The following FHOD3 variants were observed in gnomAD, a reference collection of about 807,000 sequenced individuals.
FHOD3 encodes the protein formin homology 2 domain containing 3.
A neutral mutation model predicts 173.0 loss-of-function variants in FHOD3; 90 were observed. The ratio of observed to expected loss-of-function variants is 0.52; its 90% CI spans 0.44 to 0.62. The LOEUF (loss-of-function observed/expected upper bound fraction) is 0.62, where lower values mean the gene tolerates loss of function less well. Ranked by LOEUF, FHOD3 falls within the 20% of genes least tolerant of loss-of-function variation. FHOD3 has a pLI of 0.00. For missense variants in FHOD3, 1,945 were observed against 2,034.7 expected (o/e 0.96, Z 0.85); for synonymous variants, 828 against 823.0 (o/e 1.01, Z -0.10).
chr18:36,512,666 C>A, intron 5 of FHOD3, 123 bp downstream of exon 5: 6 of 668,862 alleles, frequency 9.0e-6, no homozygotes, highest in Admixed American at 5.2e-5. Flanking sequence ...GTGGTAAAGA[C>A]ACCCTTTGGC....
intron 21 of FHOD3, among the ~76,000 whole-genome samples, chr18:36,741,339 G>A (rs962470591): frequency 6.6e-6 from 1 of 152,146 alleles, no homozygotes; most frequent in Non-Finnish European, 1.5e-5. Context: ...CAGAGGACAT[G>A]GGCATCCTCT....
At position 36,514,014 on chromosome 18, in the gene FHOD3, C is replaced by CTTTTTTTTTTTTTTTTTTTTTTTTT. The variant is rs58493993; in HGVS notation, c.511+1483_511+1484insTTTTTTTTTTTTTTTTTTTTTTTTT. On this transcript the variant is annotated intron_variant, in intron 5 of 28. Coordinates refer to ENST00000590592, the MANE Select transcript of FHOD3 (RefSeq NM_001281740.3). ...ATTGCTGAATTTTGCTATTTCTATT[C>CTTTTTTTTTTTTTTTTTTTTTTTTT]TTTTTTTTTTTTGAGATGGAGTCTT... Among the ~76,000 whole-genome samples, 6 of 104,660 alleles carry CTTTTTTTTTTTTTTTTTTTTTTTTT rather than the reference C, an allele frequency of 5.7e-5. 1 individual carries two copies. Among genetic ancestry groups the CTTTTTTTTTTTTTTTTTTTTTTTTT allele is most frequent in the Admixed American group, 1.1e-4 (1 of 9,362 alleles). 68.7% of individuals were successfully genotyped at this position (104,660 alleles called of 152,430 possible).
chr18:36,297,996 A>T lies in FHOD3; in HGVS notation c.161A>T (p.His54Leu). 6.5e-7 allele frequency: 1 copy of T among 1,543,976 alleles called. No homozygotes were observed. The highest frequency in any genetic ancestry group is 8.7e-7 in the Non-Finnish European group (1 of 1,147,056). Reference sequence around the variant, plus strand: ...GTCCATAGGCTGCTGCAGGCGCCGCACAAGGTACGACCCGGCGGGGTGGGC... The same window carrying T: ...GTCCATAGGCTGCTGCAGGCGCCGCTCAAGGTACGACCCGGCGGGGTGGGC... ...AGVHRLLQAP[H>L]KLDDCTLQLS... The change falls in exon 1 of 29, where the codon CAC (histidine) becomes CTC (leucine). Residue 54 changes from histidine (H) to leucine (L), a missense_variant. By Grantham distance (99) the His-to-Leu change is moderately conservative. This residue lies in a region of FHOD3 where 245 missense variants were observed against 267.7 expected (regional missense o/e 0.92). Coordinates refer to ENST00000590592, the MANE Select transcript of FHOD3 (RefSeq NM_001281740.3).
rs1310509642 is a variant in FHOD3 at position 36,744,569 on chromosome 18, A to G, written c.4041+376A>G. Among the ~76,000 whole-genome samples, 6 of 152,342 alleles carry G rather than the reference A, an allele frequency of 3.9e-5. No homozygotes were observed. In the East Asian group the frequency reaches 1.2e-3, roughly 29 times the overall value. On this transcript the variant is annotated intron_variant, in intron 23 of 28. Coordinates refer to ENST00000590592, the MANE Select transcript of FHOD3 (RefSeq NM_001281740.3). The stretch of plus-strand genomic sequence containing the variant: ...AAGATGCAATTTGGCTCTTCCTGAG[A>G]TGTCCATAGGACCTTGCAGTGAGGT...
At chr18:36,540,865 T>C (rs2057182364) in intron 5 of FHOD3, among the ~76,000 whole-genome samples, 1 of 152,198 alleles carries the variant, frequency 6.6e-6, no homozygotes, top group Non-Finnish European at 1.5e-5. Context: ...CTAATCCTCT[T>C]CTCCATATTG....
chr18:36,661,970 C>CT (rs1437816099), intron 14 of FHOD3, among the ~76,000 whole-genome samples: 1 of 152,192 alleles, frequency 6.6e-6, no homozygotes, highest in Non-Finnish European at 1.5e-5. Context: ...TGAAAGCAGA[C>CT]TTTTAAAACA....
intron 13 of FHOD3, 60 bp from the exon 14 acceptor site, chr18:36,658,015 A>G: frequency 1.6e-6 from 2 of 1,244,842 alleles, no homozygotes; most frequent in East Asian, 5.0e-5. Flanking sequence ...AGTCTTATTT[A>G]CTGACTTGTA....
chr18:36,297,802 C>G lies in FHOD3; in HGVS notation c.-34C>G. 2.7e-6 allele frequency: 4 copies of G among 1,490,258 alleles called. No homozygotes were observed. The highest frequency in any genetic ancestry group is 3.6e-6 in the Non-Finnish European group (4 of 1,117,876). 92.3% of individuals were successfully genotyped at this position (1,490,258 alleles called of 1,614,324 possible). Reference sequence around the variant, plus strand: ...CGTCCCGGCCCGCGGCCCCGCTAACCCCGGGGCCCGCGCCCCCGCGGCAGG... The same window carrying G: ...CGTCCCGGCCCGCGGCCCCGCTAACGCCGGGGCCCGCGCCCCCGCGGCAGG... On this transcript the variant is annotated 5_prime_UTR_variant, in exon 1 of 29. Transcript: ENST00000590592.
chr18:36,539,063 C>T (rs2057103854), intron 5 of FHOD3, among the ~76,000 whole-genome samples: 1 of 152,218 alleles, frequency 6.6e-6, no homozygotes, highest in Admixed American at 6.5e-5. Flanking sequence ...AGTAAAAAAT[C>T]AGTACGCATC....
At chr18:36,553,076 T>A (rs1438881984) in intron 5 of FHOD3, among the ~76,000 whole-genome samples, 27 of 152,218 alleles carry the variant, frequency 1.8e-4, no homozygotes, top group Admixed American at 7.2e-4. Flanking sequence ...ATTGAGATAA[T>A]CATGTGGTTT....
intron 10 of FHOD3, among the ~76,000 whole-genome samples, chr18:36,631,054 C>T (rs1013602881): frequency 9.9e-5 from 15 of 152,148 alleles, no homozygotes; most frequent in African/African-American, 3.6e-4. Context: ...GCAAAAGAGA[C>T]CATGCTTAGG....
rs1242854607 is a variant in FHOD3, at chr18:36,392,716, G to T, written c.337+19972G>T. Among the ~76,000 whole-genome samples the T allele has an allele frequency of 3.3e-5, 5 of 152,332 alleles. No individual in the cohort carries two copies. In the East Asian group the frequency reaches 5.8e-4, roughly 18 times the overall value. On this transcript the variant is annotated intron_variant, in intron 3 of 28. Transcript: ENST00000590592. ...GTCTGATCTTGTCTGTGTTTCATGC[G>T]CAGGCAGCTAATTTGTACCTCATAG...
rs558404612 is a variant in FHOD3 at position 36,428,278 on chromosome 18, G to A, written c.337+55534G>A. The stretch of plus-strand genomic sequence containing the variant: ...CAGGAATCATATTTATACTCTCCCC[G>A]AGTCCTCTAGCATTTCTAAAGTGGT... On this transcript the variant is annotated intron_variant, in intron 3 of 28. Transcript: ENST00000590592. 3.0e-4 allele frequency among the ~76,000 whole-genome samples: 45 copies of A among 152,220 alleles called. 1 individual carries two copies. Among genetic ancestry groups the A allele is most frequent in the Admixed American group, 2.5e-3 (38 of 15,286 alleles).
intron 10 of FHOD3, among the ~76,000 whole-genome samples, chr18:36,626,105 G>A (rs538969354): frequency 6.6e-6 from 1 of 152,278 alleles, no homozygotes; most frequent in South Asian, 2.1e-4. Flanking sequence ...AACCACTGTA[G>A]GAATGTGGGG....
At chr18:36,642,862 T>TAG (rs1282015199) in intron 10 of FHOD3, among the ~76,000 whole-genome samples, 1 of 152,092 alleles carries the variant, frequency 6.6e-6, no homozygotes, top group African/African-American at 2.4e-5. Flanking sequence ...ATCACTGTCT[T>TAG]ACGGGGTTTT....
chr18:36,752,093 G>T (rs1159854310), intron 24 of FHOD3, among the ~76,000 whole-genome samples: 1 of 152,106 alleles, frequency 6.6e-6, no homozygotes, highest in Non-Finnish European at 1.5e-5. Flanking sequence ...AAGCAAAGCG[G>T]GAAAGCCCTT....
intron 5 of FHOD3, among the ~76,000 whole-genome samples, chr18:36,564,935 A>G (rs1161131996): frequency 6.6e-6 from 1 of 152,214 alleles, no homozygotes. Context: ...AAGGGACTCA[A>G]AACTTTGACA....
At chr18:36,338,808 C>G (rs1055486409) in intron 1 of FHOD3, among the ~76,000 whole-genome samples, 4 of 152,174 alleles carry the variant, frequency 2.6e-5, no homozygotes, top group African/African-American at 4.8e-5. Flanking sequence ...GAGCTAGATT[C>G]TTGGCCCATT....
chr18:36,729,073 C>A (rs1045893110), intron 19 of FHOD3, among the ~76,000 whole-genome samples: 1 of 152,230 alleles, frequency 6.6e-6, no homozygotes, highest in Admixed American at 6.5e-5. Flanking sequence ...TCAGCCCTTC[C>A]AGACCCTGAG....
Sources: allele counts gnomAD v4.1 joint callset (sites outside exome capture counted in the v4.1 genomes callset), GRCh38; gene constraint gnomAD v4.1.1; regional missense constraint gnomAD v4.1.1; transcripts MANE v1.5; gene names NCBI Gene and HGNC (gene_info 2026-07-23, HGNC 2026-07-21).